ZDHHC3: variants seen among roughly 807,000 people sequenced by gnomAD.
ZDHHC3 encodes zDHHC palmitoyltransferase 3, also known as palmitoyltransferase ZDHHC3.
In ZDHHC3, 9 loss-of-function variants were observed where a neutral mutation model predicts 30.6. The ratio of observed to expected loss-of-function variants is 0.29; its 90% CI spans 0.18 to 0.51. ZDHHC3 has a LOEUF of 0.51. ZDHHC3 is among the 20% of genes least tolerant of loss of function. The pLI is 0.97. For synonymous variants in ZDHHC3, 136 were observed against 140.2 expected (o/e 0.97, Z 0.21); for missense variants, 246 against 384.2 (o/e 0.64, Z 3.01).
intron 3 of ZDHHC3, 139 bp from the exon 4 acceptor site, chr3:44,934,123 G>A: frequency 2.5e-6 from 2 of 799,268 alleles, no homozygotes; most frequent in East Asian, 5.0e-5. Flanking sequence ...TGCTGGGTGT[G>A]TGTCACGTGG....
intron 1 of ZDHHC3, among the ~76,000 whole-genome samples, chr3:44,965,721 C>T (rs181232882): frequency 5.9e-5 from 9 of 152,302 alleles, no homozygotes; most frequent in Admixed American, 5.2e-4. Context: ...GTATTAGAGT[C>T]CCAAAATGCC....
chr3:44,946,872 G>C (rs905925065), intron 2 of ZDHHC3, among the ~76,000 whole-genome samples: 8 of 152,196 alleles, frequency 5.3e-5, no homozygotes, highest in Non-Finnish European at 1.0e-4. Context: ...GTTGGGATGG[G>C]ATTTTTCTTT....
chr3:44,954,750 C>A (rs1703777777), intron 2 of ZDHHC3, among the ~76,000 whole-genome samples: 1 of 152,010 alleles, frequency 6.6e-6, no homozygotes, highest in Admixed American at 6.6e-5. Context: ...GCAGCCAGGA[C>A]AAAAAGAAAC....
intron 1 of ZDHHC3, among the ~76,000 whole-genome samples, chr3:44,960,262 G>T (rs759863171): frequency 1.1e-4 from 16 of 152,202 alleles, no homozygotes; most frequent in Non-Finnish European, 4.4e-5. Context: ...TTCCTCACCT[G>T]TGAAAACACC....
At position 44,925,256 on chromosome 3, in the gene ZDHHC3, C is replaced by T. The variant is rs1700885960; in HGVS notation, c.*1433G>A. The T allele has an allele frequency of 1.2e-5, 12 of 985,748 alleles. No individual in the cohort carries two copies. The highest frequency in any genetic ancestry group is 6.0e-6 in the Non-Finnish European group (5 of 829,952). The allele number at this position is 985,748 out of a possible 1,614,324, so 61.1% of individuals were successfully genotyped here. On this transcript the variant is annotated 3_prime_UTR_variant, in exon 7 of 7. Transcript: ENST00000424952. Reference sequence around the variant, plus strand: ...GTGGCAGCATGTTCCACTTACTTTTCTGAAAAATCACATGGCTAGATTAAC... The same window carrying T: ...GTGGCAGCATGTTCCACTTACTTTTTTGAAAAATCACATGGCTAGATTAAC...
rs1281357466 is a variant in ZDHHC3, at chr3:44,918,185, T to C, written c.*8504A>G. On this transcript the variant is annotated 3_prime_UTR_variant, in exon 7 of 7. Coordinates refer to ENST00000424952, the MANE Select transcript of ZDHHC3 (RefSeq NM_001135179.2). ...ATGAAGAACATCGTCAGCGTGGTGC[T>C]GGGCTGTACAGCTCACATAGACACC... is the stretch of plus-strand genomic sequence containing the variant. 7.8e-6 allele frequency: 10 copies of C among 1,280,652 alleles called. No individual in the cohort carries two copies. The highest frequency in any genetic ancestry group is 1.0e-5 in the Non-Finnish European group (10 of 975,534). The allele number at this position is 1,280,652 out of a possible 1,614,324, so 79.3% of individuals were successfully genotyped here.
intron 4 of ZDHHC3, 121 bp from the exon 5 acceptor site, chr3:44,933,320 C>T (rs1234239414): frequency 7.1e-6 from 6 of 848,730 alleles, no homozygotes; most frequent in African/African-American, 1.7e-5. Flanking sequence ...AAGGCCTGAC[C>T]AGGAGGGACC....
chr3:44,926,476 G>A lies in ZDHHC3; in HGVS notation c.*213C>T, dbSNP rs1575774245. On this transcript the variant is annotated 3_prime_UTR_variant, in exon 7 of 7. Transcript: ENST00000424952. Reference sequence around the variant, plus strand: ...TTTAAAAGGAAAAGAGAGCAGCTTCGGTCACCAAAAGAAATCGAAAGGATG... The same window carrying A: ...TTTAAAAGGAAAAGAGAGCAGCTTCAGTCACCAAAAGAAATCGAAAGGATG... 6.3e-6 allele frequency: 8 copies of A among 1,279,100 alleles called. No individual in the cohort carries two copies. The Admixed American group carries it at 1.1e-4, about 18-fold the overall frequency. The allele number at this position is 1,279,100 out of a possible 1,614,324, so 79.2% of individuals were successfully genotyped here.
Position 44,922,038 on chromosome 3 carries a change from C to T in ZDHHC3, c.*4651G>A. Reference sequence around the variant, plus strand: ...CTGCTTTGCTACGGCAATCACACTGCTCAAGTCAGCAAGATGTTTACTTGA... The same window carrying T: ...CTGCTTTGCTACGGCAATCACACTGTTCAAGTCAGCAAGATGTTTACTTGA... On this transcript the variant is annotated 3_prime_UTR_variant, in exon 7 of 7. Transcript: ENST00000424952. 1 of 985,440 alleles carries T rather than the reference C, an allele frequency of 1.0e-6. No homozygotes were observed. Among genetic ancestry groups the T allele is most frequent in the Non-Finnish European group, 1.2e-6 (1 of 829,934 alleles). The allele number at this position is 985,440 out of a possible 1,614,324, so 61.0% of individuals were successfully genotyped here.
chr3:44,918,606 G>A lies in ZDHHC3; in HGVS notation c.*8083C>T, dbSNP rs1459687799. On this transcript the variant is annotated 3_prime_UTR_variant, in exon 7 of 7. Coordinates refer to ENST00000424952, the MANE Select transcript of ZDHHC3 (RefSeq NM_001135179.2). ...GCTGCAAACACAGCAGAAGGACGAT[G>A]GGGTTAAGGAAGGAGTGCAGGACAC... is the stretch of plus-strand genomic sequence containing the variant. 2 of 985,338 alleles carry A rather than the reference G, an allele frequency of 2.0e-6. No individual in the cohort carries two copies. The highest frequency in any genetic ancestry group is 2.4e-6 in the Non-Finnish European group (2 of 829,952). 61.0% of individuals were successfully genotyped at this position (985,338 alleles called of 1,614,324 possible). A position where few individuals can be genotyped will look rare whatever the true frequency, so the allele number is the denominator to read the frequency against.
At chr3:44,951,253 T>C (rs1445831975) in intron 2 of ZDHHC3, among the ~76,000 whole-genome samples, 1 of 152,244 alleles carries the variant, frequency 6.6e-6, no homozygotes, top group Non-Finnish European at 1.5e-5. Flanking sequence ...AATAAGTGTG[T>C]AGAAGCTGTT....
intron 1 of ZDHHC3, among the ~76,000 whole-genome samples, chr3:44,965,960 G>A (rs942369391): frequency 2.6e-5 from 4 of 152,142 alleles, no homozygotes; most frequent in Non-Finnish European, 4.4e-5. Context: ...TCATGCACTC[G>A]TGAACAGCAC....
chr3:44,929,297 C>G lies in ZDHHC3; in HGVS notation c.741+9G>C. On this transcript the variant is annotated intron_variant, in intron 6 of 6. Coordinates refer to ENST00000424952, the MANE Select transcript of ZDHHC3 (RefSeq NM_001135179.2). The stretch of plus-strand genomic sequence containing the variant: ...GGTGTGGAAATGGTGGGCAGAGCCA[C>G]CTGCTTACCGTCTCATCTGTGCAGA... 1.2e-6 allele frequency: 2 copies of G among 1,613,482 alleles called. No homozygotes were observed. Among genetic ancestry groups the G allele is most frequent in the Non-Finnish European group, 1.7e-6 (2 of 1,179,658 alleles).
rs1363322359 is a variant in ZDHHC3, at chr3:44,919,865, C to G, written c.*6824G>C. On this transcript the variant is annotated 3_prime_UTR_variant, in exon 7 of 7. Coordinates refer to ENST00000424952, the MANE Select transcript of ZDHHC3 (RefSeq NM_001135179.2). ...AAAAAGTTTAAAAATAATCAATAAT[C>G]TGAGACAAAGATTTATGCAATACAA... 1 of 1,006,172 alleles carries G rather than the reference C, an allele frequency of 9.9e-7. No individual in the cohort carries two copies. The highest frequency in any genetic ancestry group is 1.2e-6 in the Non-Finnish European group (1 of 841,024). 62.3% of individuals were successfully genotyped at this position (1,006,172 alleles called of 1,614,324 possible). A position where few individuals can be genotyped will look rare whatever the true frequency, so the allele number is the denominator to read the frequency against.
Position 44,926,605 on chromosome 3 carries a change from C to T in ZDHHC3, c.*84G>A, listed in dbSNP as rs1481109024. The T allele has an allele frequency of 3.0e-6, 4 of 1,323,314 alleles. No homozygotes were observed. The highest frequency in any genetic ancestry group is 3.3e-5 in the Admixed American group (1 of 30,174). 82.0% of individuals were successfully genotyped at this position (1,323,314 alleles called of 1,614,324 possible). ...TTTAAGAGTAGTTGTTTTGCTTTTT[C>T]GATTTAAACATTCATGAGAACGGAT... On this transcript the variant is annotated 3_prime_UTR_variant, in exon 7 of 7. Coordinates refer to ENST00000424952, the MANE Select transcript of ZDHHC3 (RefSeq NM_001135179.2).
rs1450627140 is a variant in ZDHHC3 at position 44,959,379 on chromosome 3, G to A, written c.58C>T (p.Gln20Ter). The change falls in exon 2 of 7, where the codon CAG (glutamine) becomes TAG (stop). Residue 20 changes from glutamine (Q) to a stop codon, truncating the protein, a stop_gained. Transcript: ENST00000424952. LOFTEE classifies it high-confidence loss of function. This position sits in a 1 kb window ranked among gnomAD's most constrained non-coding sequence, Gnocchi z 4.3. ...GGGGGTGGGACACACTTCTCTGGCTGGAGGTATTCTGGTTTCCGCTCAATG... is the reference window on the plus strand; with the variant it reads ...GGGGGTGGGACACACTTCTCTGGCTAGAGGTATTCTGGTTTCCGCTCAATG... ...RNIERKPEYL[Q>*]PEKCVPPPYP... 6.2e-6 allele frequency: 10 copies of A among 1,614,116 alleles called. No individual in the cohort carries two copies. Among genetic ancestry groups the A allele is most frequent in the Non-Finnish European group, 8.5e-6 (10 of 1,180,044 alleles).
chr3:44,927,480 C>T (rs1312490933), intron 6 of ZDHHC3, among the ~76,000 whole-genome samples: 3 of 152,118 alleles, frequency 2.0e-5, no homozygotes, highest in East Asian at 1.9e-4. Context: ...TGACAGACCA[C>T]GAATGAGGGG....
At position 44,959,090 on chromosome 3, in the gene ZDHHC3, G is replaced by C; in HGVS notation, c.306+41C>G. On this transcript the variant is annotated intron_variant, in intron 2 of 6. Coordinates refer to ENST00000424952, the MANE Select transcript of ZDHHC3 (RefSeq NM_001135179.2). This position sits in a 1 kb window ranked among gnomAD's most constrained non-coding sequence, Gnocchi z 4.3. ...CTGTGGCCATGCCAGAGCCAGAGGAGGAGAGTGTGGGCTGGTCAAAACAAG... is the reference window on the plus strand; with the variant it reads ...CTGTGGCCATGCCAGAGCCAGAGGACGAGAGTGTGGGCTGGTCAAAACAAG... 1 of 1,606,228 alleles carries C rather than the reference G, an allele frequency of 6.2e-7. No homozygotes were observed. The highest frequency in any genetic ancestry group is 8.5e-7 in the Non-Finnish European group (1 of 1,174,636).
At chr3:44,944,181 C>T (rs1702696915) in intron 3 of ZDHHC3, among the ~76,000 whole-genome samples, 1 of 151,956 alleles carries the variant, frequency 6.6e-6, no homozygotes, top group Non-Finnish European at 1.5e-5. Context: ...TGGAGTTTCA[C>T]TCTTGTTGCC....
Sources: allele counts gnomAD v4.1 joint callset (sites outside exome capture counted in the v4.1 genomes callset), GRCh38; gene constraint gnomAD v4.1.1; non-coding constraint Gnocchi (gnomAD v3.1); transcripts MANE v1.5; gene names NCBI Gene and HGNC (gene_info 2026-07-23, HGNC 2026-07-21).